METTL15: variants seen among roughly 807,000 people sequenced by gnomAD.
METTL15 encodes methyltransferase 15, mitochondrial 12S rRNA N4-cytidine.
A neutral mutation model predicts 38.3 loss-of-function variants in METTL15; 34 were observed. The observed-to-expected ratio is 0.89, with a 90% confidence interval of 0.68 to 1.18. The LOEUF is 1.18. METTL15 is among the 50% of genes most tolerant of loss of function. The pLI, the probability that METTL15 is intolerant of heterozygous loss-of-function variation, is 0.00. For missense variants in METTL15, 438 were observed against 498.4 expected, an observed-to-expected ratio of 0.88 and a Z score of 1.15; for synonymous variants, 162 against 170.9, an observed-to-expected ratio of 0.95 and a Z score of 0.41.
At chr11:28,438,672 C>CTTTT (rs1171439330) in intron 6 of METTL15, among the ~76,000 whole-genome samples, 11 of 128,222 alleles carry the variant, frequency 8.6e-5, no homozygotes, top group Non-Finnish European at 1.2e-4. Flanking sequence ...TTTCTTTTTT[C>CTTTT]TTTTTTTTTT....
At chr11:28,505,169 GGTGTGTAT>G (rs770809619) in intron 6 of METTL15, among the ~76,000 whole-genome samples, 3 of 152,170 alleles carry the variant, frequency 2.0e-5, no homozygotes, top group African/African-American at 4.8e-5. Context: ...AGTGTAACTC[GGTGTGTAT>G]GTGTGTATGT....
At chr11:28,452,352 C>T (rs1453617298) in intron 6 of METTL15, among the ~76,000 whole-genome samples, 1 of 152,212 alleles carries the variant, frequency 6.6e-6, no homozygotes, top group Admixed American at 6.5e-5. Context: ...TATAAATGGT[C>T]TGCAGTTTCC....
intron 3 of METTL15, among the ~76,000 whole-genome samples, chr11:28,174,830 ACAT>A (rs1420461388): frequency 7.2e-6 from 1 of 138,542 alleles, no homozygotes. Flanking sequence ...AAAAAAAAAA[ACAT>A]AAAAAAGCAA....
rs1851059882 is a variant in METTL15 at position 28,444,532 on chromosome 11, T to C, written c.*424+20168T>C. Among the ~76,000 whole-genome samples the C allele has an allele frequency of 3.9e-5, 6 of 152,310 alleles. No homozygotes were observed. In the South Asian group the frequency reaches 1.0e-3, roughly 26 times the overall value. On this transcript the variant is annotated intron_variant and NMD_transcript_variant, in intron 6 of 7. Coordinates refer to the METTL15 transcript ENST00000532947. ...GTAAGCCCACAGAATTGGGATGCCATGTAGTAAATTTGCTGAGGTTTGGAA... is the reference window on the plus strand; with the variant it reads ...GTAAGCCCACAGAATTGGGATGCCACGTAGTAAATTTGCTGAGGTTTGGAA...
chr11:28,381,744 A>C (rs1010464363), intron 5 of METTL15, among the ~76,000 whole-genome samples: 1 of 152,126 alleles, frequency 6.6e-6, no homozygotes, highest in African/African-American at 2.4e-5. Flanking sequence ...AAAATTTTCT[A>C]ATAAATTTCT....
intron 3 of METTL15, among the ~76,000 whole-genome samples, chr11:28,136,139 C>T (rs1408337501): frequency 6.6e-6 from 1 of 152,134 alleles, no homozygotes. Context: ...GGGTAGTTAC[C>T]TCAAAAACAC....
chr11:28,208,062 T>C (rs1199634277), intron 3 of METTL15, among the ~76,000 whole-genome samples: 2 of 152,198 alleles, frequency 1.3e-5, no homozygotes, highest in African/African-American at 4.8e-5. Flanking sequence ...AAAAACCAGC[T>C]CCTGGATTCA....
chr11:28,192,797 A>T (rs1193102058), intron 3 of METTL15, among the ~76,000 whole-genome samples: 1 of 152,080 alleles, frequency 6.6e-6, no homozygotes, highest in Non-Finnish European at 1.5e-5. Flanking sequence ...TTTGATAACG[A>T]AGAATTATCT....
intron 6 of METTL15, among the ~76,000 whole-genome samples, chr11:28,462,275 C>T (rs1385995311): frequency 6.6e-6 from 1 of 151,860 alleles, no homozygotes; most frequent in East Asian, 1.9e-4. Context: ...TGGGCAAATA[C>T]AAGAAGAATG....
At chr11:28,460,533 C>A (rs12279562) in intron 6 of METTL15, among the ~76,000 whole-genome samples, 2,668 of 152,166 alleles carry the variant, frequency 0.018, 52 homozygotes, top group African/African-American at 0.051. Flanking sequence ...TTGGCCTCAG[C>A]AACAACCTTC....
At chr11:28,228,189 G>A (rs1281896039) in intron 4 of METTL15, among the ~76,000 whole-genome samples, 2 of 151,802 alleles carry the variant, frequency 1.3e-5, no homozygotes, top group Admixed American at 1.3e-4. Context: ...CCTCCCTTGT[G>A]TGTAATCAGT....
intron 5 of METTL15, among the ~76,000 whole-genome samples, chr11:28,371,556 T>C (rs1312630515): frequency 6.6e-6 from 1 of 152,052 alleles, no homozygotes; most frequent in Non-Finnish European, 1.5e-5. Context: ...TTTCTTCTAT[T>C]TCTGTGAAAT....
chr11:28,338,467 C>T (rs1849921299), downstream of METTL15, among the ~76,000 whole-genome samples: 1 of 151,920 alleles, frequency 6.6e-6, no homozygotes, highest in African/African-American at 2.4e-5. Context: ...TATTTTTTTC[C>T]ATTGCGTCCT....
Position 28,341,457 on chromosome 11 carries a change from T to G in METTL15, c.*190-10633T>G, listed in dbSNP as rs536232632. On this transcript the variant is annotated intron_variant and NMD_transcript_variant, in intron 3 of 7. Coordinates refer to the METTL15 transcript ENST00000532947. Reference sequence around the variant, plus strand: ...AAAATGTTTTCTGTTTTAAAATGTTTGTAATGAATGTATATCCATTTTACA... The same window carrying G: ...AAAATGTTTTCTGTTTTAAAATGTTGGTAATGAATGTATATCCATTTTACA... Among the ~76,000 whole-genome samples, 3 of 152,328 alleles carry G rather than the reference T, an allele frequency of 2.0e-5. No individual in the cohort carries two copies. In the South Asian group the frequency reaches 6.2e-4, roughly 32 times the overall value.
chr11:28,210,357 T>C (rs561432741), intron 3 of METTL15, among the ~76,000 whole-genome samples: 1 of 151,972 alleles, frequency 6.6e-6, no homozygotes, highest in East Asian at 1.9e-4. Context: ...TGGTATCTTC[T>C]TTTCTTCTTC....
chr11:28,130,337 T>G (rs1382620661), intron 3 of METTL15, among the ~76,000 whole-genome samples: 1 of 151,972 alleles, frequency 6.6e-6, no homozygotes, highest in Non-Finnish European at 1.5e-5. Context: ...CCAACACACC[T>G]TCTTGGCAGC....
chr11:28,230,947 T>C (rs933931132), intron 4 of METTL15, among the ~76,000 whole-genome samples: 59 of 152,050 alleles, frequency 3.9e-4, no homozygotes, highest in African/African-American at 1.4e-3. Context: ...ATAAAGCTCA[T>C]TGTCTAATAG....
chr11:28,264,434 A>G (rs1855330087), intron 4 of METTL15, among the ~76,000 whole-genome samples: 1 of 152,072 alleles, frequency 6.6e-6, no homozygotes, highest in Non-Finnish European at 1.5e-5. Flanking sequence ...TCAAAGTAGA[A>G]TGAGAACCCT....
At chr11:28,475,646 G>C (rs1161595257) in intron 6 of METTL15, among the ~76,000 whole-genome samples, 2 of 152,162 alleles carry the variant, frequency 1.3e-5, no homozygotes, top group African/African-American at 2.4e-5. Context: ...GTTCTGTTCA[G>C]AGTGTTATCT....
Sources: allele counts gnomAD v4.1 joint callset (sites outside exome capture counted in the v4.1 genomes callset), GRCh38; gene constraint gnomAD v4.1.1; transcripts MANE v1.5; gene names NCBI Gene and HGNC (gene_info 2026-07-23, HGNC 2026-07-21).